The following ANKS1B variants were observed in gnomAD, a reference collection of about 807,000 sequenced individuals.
The protein encoded by ANKS1B is ankyrin repeat and sterile alpha motif domain-containing protein 1B.
In ANKS1B, 36 loss-of-function variants were observed where a neutral mutation model predicts 148.3. The ratio of observed to expected loss-of-function variants is 0.24; its 90% CI spans 0.19 to 0.32. The LOEUF (loss-of-function observed/expected upper bound fraction) is 0.32. Among genes scored for constraint, ANKS1B ranks in the 10% least tolerant of loss-of-function variants. The pLI is 1.00. For missense variants in ANKS1B, 1,157 were observed against 1,542.6 expected (o/e 0.75, Z 4.19); for synonymous variants, 542 against 560.8 (o/e 0.97, Z 0.47).
chr12:98,943,238 C>T (rs759533548), intron 17 of ANKS1B, among the ~76,000 whole-genome samples: 4 of 152,150 alleles, frequency 2.6e-5, no homozygotes, highest in Non-Finnish European at 4.4e-5. Flanking sequence ...GGATCTTGTT[C>T]AGCCTTTAAT....
At chr12:99,632,727 C>CTATATATATATATATATATATA (rs3081654) in intron 9 of ANKS1B, among the ~76,000 whole-genome samples, 7 of 39,034 alleles carry the variant, frequency 1.8e-4, no homozygotes, top group Non-Finnish European at 2.8e-4. Context: ...CCTTTTCTTT[C>CTATATATATATATATATATATA]TATATATATA....
At chr12:99,724,830 A>G (rs2058461086) in intron 8 of ANKS1B, among the ~76,000 whole-genome samples, 1 of 152,230 alleles carries the variant, frequency 6.6e-6, no homozygotes, top group Admixed American at 6.5e-5. Context: ...GGTACAAGCC[A>G]GAAGAGAGTG....
chr12:99,211,308 T>C (rs1044957421), intron 14 of ANKS1B, among the ~76,000 whole-genome samples: 1 of 152,218 alleles, frequency 6.6e-6, no homozygotes, highest in Non-Finnish European at 1.5e-5. Context: ...GTTGTTTATC[T>C]GACCTTCCAA....
At chr12:99,039,491 G>C (rs1048600302) in intron 17 of ANKS1B, among the ~76,000 whole-genome samples, 1 of 152,192 alleles carries the variant, frequency 6.6e-6, no homozygotes, top group African/African-American at 2.4e-5. Flanking sequence ...GTGTCTGGTG[G>C]AGAGGCGCGA....
intron 17 of ANKS1B, among the ~76,000 whole-genome samples, chr12:98,873,903 A>ATGG (rs1555444778): frequency 6.6e-6 from 1 of 152,096 alleles, no homozygotes. Flanking sequence ...TGGCTCACAT[A>ATGG]TGGTGGGTGG....
intron 9 of ANKS1B, among the ~76,000 whole-genome samples, chr12:99,508,982 C>A (rs533847737): frequency 4.9e-4 from 75 of 151,844 alleles, no homozygotes; most frequent in Non-Finnish European, 8.8e-4. Flanking sequence ...TGGTAATTCT[C>A]CTAATATGTC....
chr12:99,253,277 G>C (rs923577817), intron 12 of ANKS1B, among the ~76,000 whole-genome samples: 1 of 151,898 alleles, frequency 6.6e-6, no homozygotes, highest in Non-Finnish European at 1.5e-5. Flanking sequence ...CCAGTAGAGG[G>C]AGACTTTGAA....
chr12:99,885,749 C>T (rs973875774), intron 1 of ANKS1B, among the ~76,000 whole-genome samples: 8 of 152,126 alleles, frequency 5.3e-5, no homozygotes, highest in Admixed American at 4.6e-4. Flanking sequence ...TCCCTTACCC[C>T]TCTTCTACTC....
chr12:99,384,806 T>C (rs2093790536), intron 12 of ANKS1B, among the ~76,000 whole-genome samples: 1 of 152,224 alleles, frequency 6.6e-6, no homozygotes, highest in Non-Finnish European at 1.5e-5. Flanking sequence ...GTACTTACTA[T>C]AATAACATTA....
rs533998482 is a variant in ANKS1B, at chr12:99,222,138, G to C, written c.2419+22204C>G. Among the ~76,000 whole-genome samples, 3 of 152,218 alleles carry C rather than the reference G, an allele frequency of 2.0e-5. No homozygotes were observed. The East Asian group carries it at 5.8e-4, about 29-fold the overall frequency. On this transcript the variant is annotated intron_variant, in intron 14 of 26. Transcript: ENST00000683438. ...CATTTTTTATATAGCTTAAAAATGA[G>C]AGATAAAGAGAGGAAAAATATATTT...
intron 8 of ANKS1B, among the ~76,000 whole-genome samples, chr12:99,764,436 T>C (rs959115901): frequency 3.9e-5 from 6 of 152,206 alleles, no homozygotes; most frequent in African/African-American, 1.4e-4. Context: ...TATTTATTTA[T>C]TTAGAGACAG....
In ANKS1B at chr12:99,254,088, C is replaced by T. The variant is rs375131094; in HGVS notation, c.1757-7224G>A. ...AAGGAGACATTACAACTAAATGCAA[C>T]GTGTGATCCTGAACTAGATCCTTTG... On this transcript the variant is annotated intron_variant, in intron 12 of 26. Transcript: ENST00000683438. Among the ~76,000 whole-genome samples, 8 of 152,260 alleles carry T rather than the reference C, an allele frequency of 5.3e-5. No individual in the cohort carries two copies. The East Asian group carries it at 9.6e-4, about 18-fold the overall frequency.
At chr12:99,270,271 T>C (rs2076899111) in intron 12 of ANKS1B, among the ~76,000 whole-genome samples, 3 of 152,176 alleles carry the variant, frequency 2.0e-5, no homozygotes, top group Admixed American at 2.0e-4. Context: ...TTACTCAGAC[T>C]TTTCCTTTTC....
At chr12:99,646,026 TAAA>T (rs34337860) in intron 9 of ANKS1B, among the ~76,000 whole-genome samples, 1 of 131,862 alleles carries the variant, frequency 7.6e-6, no homozygotes, top group African/African-American at 2.8e-5. Flanking sequence ...AGAAAATCAG[TAAA>T]AAAAAAAAAA....
At chr12:99,135,336 C>T (rs12099778) in intron 15 of ANKS1B, among the ~76,000 whole-genome samples, 6,052 of 152,048 alleles carry the variant, frequency 0.04, 408 homozygotes, top group African/African-American at 0.14. Context: ...GCAATTGAAA[C>T]GAAGAGATAG....
At chr12:99,162,988 G>A (rs1438646163) in intron 14 of ANKS1B, among the ~76,000 whole-genome samples, 2 of 152,026 alleles carry the variant, frequency 1.3e-5, no homozygotes, top group Non-Finnish European at 2.9e-5. Flanking sequence ...AACCCAGGAG[G>A]TGGAGGTTGC....
At chr12:99,596,063 C>T (rs1214587194) in intron 9 of ANKS1B, among the ~76,000 whole-genome samples, 2 of 151,870 alleles carry the variant, frequency 1.3e-5, no homozygotes, top group Non-Finnish European at 2.9e-5. Flanking sequence ...AGTTGGTAGA[C>T]TCTTCGATCT....
At chr12:99,167,057 A>G (rs2077254018) in intron 14 of ANKS1B, among the ~76,000 whole-genome samples, 1 of 152,042 alleles carries the variant, frequency 6.6e-6, no homozygotes. Context: ...TAGAATACCT[A>G]TATGCCAAAA....
At chr12:99,354,327 G>C (rs2091764808) in intron 12 of ANKS1B, among the ~76,000 whole-genome samples, 1 of 151,980 alleles carries the variant, frequency 6.6e-6, no homozygotes, top group African/African-American at 2.4e-5. Context: ...GAAAACATAT[G>C]AAAATGTTCC....
Sources: allele counts gnomAD v4.1 joint callset (sites outside exome capture counted in the v4.1 genomes callset), GRCh38; gene constraint gnomAD v4.1.1; transcripts MANE v1.5; gene names NCBI Gene and HGNC (gene_info 2026-07-23, HGNC 2026-07-21).